IFT80: variants seen among roughly 807,000 people sequenced by gnomAD.
IFT80 encodes intraflagellar transport 80, also known as intraflagellar transport protein 80 homolog.
A neutral mutation model predicts 107.9 loss-of-function variants in IFT80; 79 were observed. The ratio of observed to expected loss-of-function variants is 0.73; its 90% confidence interval spans 0.61 to 0.88. The LOEUF is 0.88. Among genes scored for constraint, IFT80 ranks in the 40% least tolerant of loss-of-function variants. The pLI, the probability that IFT80 is intolerant of heterozygous loss-of-function variation, is 0.00. For missense variants in IFT80, 797 were observed against 914.2 expected, an observed-to-expected ratio of 0.87 and a Z score of 1.65; for synonymous variants, 299 against 300.9, an observed-to-expected ratio of 0.99 and a Z score of 0.07.
In IFT80 at chr3:160,384,018, G is replaced by C. The variant is rs547726049; in HGVS notation, c.37+546C>G. On this transcript the variant is annotated intron_variant, in intron 2 of 19. Coordinates refer to ENST00000326448, the MANE Select transcript of IFT80 (RefSeq NM_020800.3). Reference sequence around the variant, plus strand: ...CCAGCACTTTGGGAGGCTGGGGCGGGTGGATCACCTGAGGTCGAGAGTTCG... The same window carrying C: ...CCAGCACTTTGGGAGGCTGGGGCGGCTGGATCACCTGAGGTCGAGAGTTCG... 3.8e-6 allele frequency: 3 copies of C among 781,100 alleles called. No individual in the cohort carries two copies. The African/African-American group carries it at 5.7e-5, about 15-fold the overall frequency. 48.4% of individuals were successfully genotyped at this position (781,100 alleles called of 1,614,324 possible). A position where few individuals can be genotyped will look rare whatever the true frequency, so the allele number is the denominator to read the frequency against.
At chr3:160,319,225 G>A (rs1718029825) in intron 9 of IFT80, among the ~76,000 whole-genome samples, 1 of 151,834 alleles carries the variant, frequency 6.6e-6, no homozygotes, top group Non-Finnish European at 1.5e-5. Flanking sequence ...CCTCAGTCAT[G>A]AGCCTAGGAT....
In IFT80 at chr3:160,328,639, TG is replaced by T. The variant is rs543015576; in HGVS notation, c.778-8701del. Among the ~76,000 whole-genome samples the T allele has an allele frequency of 3.3e-5, 5 of 152,196 alleles. No individual in the cohort carries two copies. In the East Asian group the frequency reaches 7.7e-4, roughly 24 times the overall value. ...TCATTCGGCCCAGTGATACCATTAC[TG>T]GGTATATACCCAAAGGAATATAAAT... On this transcript the variant is annotated intron_variant, in intron 8 of 19. Coordinates refer to ENST00000326448, the MANE Select transcript of IFT80 (RefSeq NM_020800.3).
chr3:160,346,865 T>A (rs1344292861), intron 8 of IFT80, among the ~76,000 whole-genome samples: 1 of 152,186 alleles, frequency 6.6e-6, no homozygotes, highest in African/African-American at 2.4e-5. Context: ...AAATGAAAGA[T>A]ATTCCAGTGA....
intron 6 of IFT80, among the ~76,000 whole-genome samples, chr3:160,364,255 CTCA>C (rs1721701545): frequency 6.6e-6 from 1 of 152,132 alleles, no homozygotes; most frequent in South Asian, 2.1e-4. Flanking sequence ...TGAAAAAATG[CTCA>C]TCAACACTGG....
Position 160,303,922 on chromosome 3 carries a change from C to T in IFT80, c.1144G>A (p.Ala382Thr), listed in dbSNP as rs1047266261. The change falls in exon 11 of 20, where the codon GCA (alanine) becomes ACA (threonine). Residue 382 changes from alanine (A) to threonine (T), a missense_variant. By Grantham distance (58) the Ala-to-Thr change is moderately conservative. Transcript: ENST00000326448. Reference sequence around the variant, plus strand: ...TTAAACATAATAAATTACCTTTCTGCCTGCAGAATCAAACTAACAGTTCCT... The same window carrying T: ...TTAAACATAATAAATTACCTTTCTGTCTGCAGAATCAAACTAACAGTTCCT... ...KEGTVSLILQ[A>T]ERHFLLVDGS... The T allele has an allele frequency of 1.5e-5, 24 of 1,601,316 alleles. No individual in the cohort carries two copies. Among genetic ancestry groups the T allele is most frequent in the Admixed American group, 3.3e-5 (2 of 59,962 alleles).
chr3:160,280,761 G>A lies in IFT80; in HGVS notation c.1570C>T (p.Leu524Phe), dbSNP rs1286069089. 1.2e-6 allele frequency: 2 copies of A among 1,612,712 alleles called. No homozygotes were observed. The highest frequency in any genetic ancestry group is 1.7e-6 in the Non-Finnish European group (2 of 1,179,070). The change falls in exon 15 of 20, where the codon CTT becomes TTT. Residue 524 changes from leucine (L) to phenylalanine (F), a missense_variant. Leu to Phe is a conservative substitution (Grantham distance 22, BLOSUM62 0). Transcript: ENST00000326448. ...CACACTATAAATCGAGTATCTTGAAGTCCACAAAGGATATTGCATGTATCG... is the reference window on the plus strand; with the variant it reads ...CACACTATAAATCGAGTATCTTGAAATCCACAAAGGATATTGCATGTATCG... Reference protein sequence around the residue: ...WNDTCNILCGLQDTRFIVWYY... With the variant: ...WNDTCNILCGFQDTRFIVWYY...
intron 8 of IFT80, among the ~76,000 whole-genome samples, chr3:160,349,143 T>C (rs1160706220): frequency 1.3e-5 from 2 of 151,850 alleles, no homozygotes; most frequent in Admixed American, 1.3e-4. Flanking sequence ...GAAACTTGAG[T>C]CAATGGTTGA....
intron 1 of IFT80, 86 bp from the exon 2 acceptor site, chr3:160,384,732 T>C (rs983599593): frequency 5.0e-6 from 5 of 1,003,600 alleles, no homozygotes; most frequent in Non-Finnish European, 5.9e-6. Context: ...CAAAACATCA[T>C]TGCACCCCAA....
At chr3:160,283,824 A>G (rs1714884303) in intron 13 of IFT80, among the ~76,000 whole-genome samples, 1 of 152,204 alleles carries the variant, frequency 6.6e-6, no homozygotes, top group African/African-American at 2.4e-5. Flanking sequence ...TTCATTCAGC[A>G]GGGCTTCCCC....
At chr3:160,307,819 A>G in intron 9 of IFT80, 38 bp from the exon 10 acceptor site, 1 of 1,044,504 alleles carries the variant, frequency 9.6e-7, no homozygotes, top group South Asian at 1.3e-5. Context: ...AAACATTATA[A>G]CATATCCAAA....
At chr3:160,353,228 T>A (rs963861947) in intron 8 of IFT80, among the ~76,000 whole-genome samples, 2 of 152,170 alleles carry the variant, frequency 1.3e-5, no homozygotes, top group African/African-American at 4.8e-5. Context: ...CATCCATGGC[T>A]CTCTACTGAC....
Position 160,258,400 on chromosome 3 carries a change from T to C in IFT80, c.*125A>G. 1 of 1,149,504 alleles carries C rather than the reference T, an allele frequency of 8.7e-7. No homozygotes were observed. Among genetic ancestry groups the C allele is most frequent in the Non-Finnish European group, 1.3e-6 (1 of 795,944 alleles). 71.2% of individuals were successfully genotyped at this position (1,149,504 alleles called of 1,614,324 possible). ...TTTCTGCATGTACTTTTACACTAAA[T>C]ACACAGCAAGTACTTATACTCGGTT... is the stretch of plus-strand genomic sequence containing the variant. On this transcript the variant is annotated 3_prime_UTR_variant, in exon 20 of 20. Coordinates refer to ENST00000326448, the MANE Select transcript of IFT80 (RefSeq NM_020800.3).
chr3:160,319,187 C>A (rs2108297126), intron 9 of IFT80, among the ~76,000 whole-genome samples: 1 of 152,070 alleles, frequency 6.6e-6, no homozygotes, highest in South Asian at 2.1e-4. Flanking sequence ...ATGATTTTTT[C>A]TTATTAATAT....
At chr3:160,362,748 A>G (rs1341898674) in intron 6 of IFT80, among the ~76,000 whole-genome samples, 5 of 152,228 alleles carry the variant, frequency 3.3e-5, no homozygotes, top group Admixed American at 2.6e-4. Context: ...CATCACATAA[A>G]CAGAACCAAC....
chr3:160,274,538 G>A (rs571630802), intron 18 of IFT80: 2 of 152,330 alleles, frequency 1.3e-5, no homozygotes, highest in South Asian at 4.1e-4. Flanking sequence ...ACTATGTATA[G>A]ATAATGTGAA....
chr3:160,272,370 A>G (rs932256262), intron 18 of IFT80, among the ~76,000 whole-genome samples: 5 of 152,140 alleles, frequency 3.3e-5, no homozygotes, highest in African/African-American at 1.2e-4. Context: ...ATATTTACAG[A>G]AAAAAATGAT....
chr3:160,368,748 C>T (rs1329052033), intron 5 of IFT80, among the ~76,000 whole-genome samples: 4 of 151,840 alleles, frequency 2.6e-5, no homozygotes, highest in Non-Finnish European at 4.4e-5. Flanking sequence ...TATAAGCCAT[C>T]TTTATTTCCA....
chr3:160,323,913 T>G (rs1718473892), intron 8 of IFT80, among the ~76,000 whole-genome samples: 1 of 151,108 alleles, frequency 6.6e-6, no homozygotes, highest in African/African-American at 2.4e-5. Context: ...GAGAGAAGAA[T>G]CAAATAGATA....
intron 6 of IFT80, among the ~76,000 whole-genome samples, chr3:160,359,931 C>CCAGAACACCCCTT (rs1359167529): frequency 3.3e-5 from 5 of 152,298 alleles, no homozygotes; most frequent in Admixed American, 2.6e-4. Flanking sequence ...ATTCTAAAAA[C>CCAGAACACCCCTT]CAGAACACCC....
Sources: gnomAD v4.1 joint callset for allele counts (sites outside exome capture counted in the v4.1 genomes callset) on GRCh38, gnomAD v4.1.1 for gene constraint, MANE v1.5 for transcripts, NCBI Gene and HGNC (gene_info 2026-07-23, HGNC 2026-07-21) for gene names.